The following HMGCLL1 variants were observed in gnomAD, a reference collection of about 807,000 sequenced individuals.
HMGCLL1 encodes the protein 3-hydroxymethyl-3-methylglutaryl-CoA lyase, cytoplasmic.
A neutral mutation model predicts 39.1 loss-of-function variants in HMGCLL1; 36 were observed. The ratio of observed to expected loss-of-function variants is 0.92; its 90% CI spans 0.71 to 1.22. The LOEUF is 1.22. Ranked by LOEUF, HMGCLL1 falls within the 50% of genes most tolerant of loss-of-function variation. The probability of loss-of-function intolerance (pLI) is 0.00; values close to 1 mark genes in which losing one functional copy is unlikely to be tolerated. For missense variants in HMGCLL1, 451 were observed against 416.5 expected, an observed-to-expected ratio of 1.08 and a Z score of -0.72; for synonymous variants, 149 against 144.0, an observed-to-expected ratio of 1.03 and a Z score of -0.25.
At chr6:55,533,250 A>G (rs971076503) in intron 3 of HMGCLL1, among the ~76,000 whole-genome samples, 1 of 151,024 alleles carries the variant, frequency 6.6e-6, no homozygotes, top group Admixed American at 6.6e-5. Flanking sequence ...AGTATCCAAA[A>G]TATGTACTAT....
chr6:55,619,986 C>T, the HMGCLL1 span, among the ~76,000 whole-genome samples: 2 of 152,064 alleles, frequency 1.3e-5, no homozygotes, highest in African/African-American at 2.4e-5. Context: ...TAATGACTTC[C>T]ATTTCCATCC....
the HMGCLL1 span, among the ~76,000 whole-genome samples, chr6:55,602,075 C>A: frequency 3.9e-5 from 6 of 151,962 alleles, no homozygotes; most frequent in East Asian, 3.9e-4. Context: ...CAGATTTTTT[C>A]TTTGGCTCTT....
the HMGCLL1 span, among the ~76,000 whole-genome samples, chr6:55,623,850 C>T: frequency 1.3e-5 from 2 of 151,948 alleles, no homozygotes; most frequent in Admixed American, 1.3e-4. Context: ...CTGCCAGCTG[C>T]TAAGTATGTC....
At chr6:55,495,191 T>C (rs1393769927) in intron 7 of HMGCLL1, among the ~76,000 whole-genome samples, 1 of 152,192 alleles carries the variant, frequency 6.6e-6, no homozygotes, top group African/African-American at 2.4e-5. Context: ...AAAGAATAGA[T>C]TACAGATTTT....
intron 1 of HMGCLL1, among the ~76,000 whole-genome samples, chr6:55,548,725 T>A (rs548551024): frequency 4.6e-5 from 7 of 151,888 alleles, no homozygotes; most frequent in African/African-American, 1.7e-4. Context: ...TAAAACAAAC[T>A]ATGAAAGAGG....
chr6:55,637,740 A>G, the HMGCLL1 span, among the ~76,000 whole-genome samples: 14,281 of 88,684 alleles, frequency 0.16, 771 homozygotes, highest in East Asian at 0.23. Flanking sequence ...GTGTGTGTGT[A>G]TGTGTCTGTG....
chr6:55,572,572 T>G (rs1284705524), intron 1 of HMGCLL1, among the ~76,000 whole-genome samples: 1 of 152,134 alleles, frequency 6.6e-6, no homozygotes, highest in Non-Finnish European at 1.5e-5. Flanking sequence ...CCATACAATA[T>G]TTTTCATGAG....
the HMGCLL1 span, among the ~76,000 whole-genome samples, chr6:55,627,522 T>C: frequency 6.6e-6 from 1 of 152,060 alleles, no homozygotes; most frequent in Non-Finnish European, 1.5e-5. Flanking sequence ...ATACCGAGTG[T>C]CAACTTCATT....
chr6:55,650,446 C>T, the HMGCLL1 span, among the ~76,000 whole-genome samples: 1 of 151,584 alleles, frequency 6.6e-6, no homozygotes, highest in Non-Finnish European at 1.5e-5. Context: ...TTTCTTTTCC[C>T]TTACTTCCTC....
chr6:55,658,830 T>C, the HMGCLL1 span, among the ~76,000 whole-genome samples: 2 of 151,900 alleles, frequency 1.3e-5, no homozygotes, highest in Non-Finnish European at 2.9e-5. Context: ...AAGCAAAGTA[T>C]AATTATAAAC....
the HMGCLL1 span, among the ~76,000 whole-genome samples, chr6:55,657,284 G>A: frequency 2.6e-4 from 39 of 152,088 alleles, 1 homozygote; most frequent in Admixed American, 2.3e-3. Flanking sequence ...CCATGCCTAT[G>A]TCCTGAGTGG....
At chr6:55,552,473 C>T (rs1394192768) in intron 1 of HMGCLL1, among the ~76,000 whole-genome samples, 5 of 151,944 alleles carry the variant, frequency 3.3e-5, no homozygotes, top group African/African-American at 1.2e-4. Context: ...TATTTTCCAT[C>T]CCTAGTATAG....
the HMGCLL1 span, among the ~76,000 whole-genome samples, chr6:55,623,670 C>T: frequency 4.7e-5 from 7 of 148,710 alleles, no homozygotes; most frequent in African/African-American, 1.7e-4. Flanking sequence ...TATACACAAA[C>T]ATATTATATA....
At chr6:55,439,296 T>C in intron 8 of HMGCLL1, 138 bp downstream of exon 8, 1 of 769,524 alleles carries the variant, frequency 1.3e-6, no homozygotes, top group East Asian at 2.7e-5. Flanking sequence ...TTTTATTGCA[T>C]TTTCCCACTG....
At chr6:55,445,161 T>A (rs2127384324) in intron 7 of HMGCLL1, among the ~76,000 whole-genome samples, 1 of 152,162 alleles carries the variant, frequency 6.6e-6, no homozygotes, top group Non-Finnish European at 1.5e-5. Context: ...ACTTTAAAAA[T>A]ATTTTAATAC....
chr6:55,667,059 G>A, the HMGCLL1 span, among the ~76,000 whole-genome samples: 3 of 151,430 alleles, frequency 2.0e-5, no homozygotes, highest in Admixed American at 6.6e-5. Context: ...TGTATCTTGT[G>A]TTTGAAAAGA....
chr6:55,533,886 A>C (rs1259401221), intron 3 of HMGCLL1, among the ~76,000 whole-genome samples: 1 of 45,508 alleles, frequency 2.2e-5, no homozygotes, highest in Non-Finnish European at 5.6e-5. Context: ...ACTCCGTCTC[A>C]AAAAAAAAAA....
At chr6:55,544,021 G>C (rs774332887) in intron 1 of HMGCLL1, among the ~76,000 whole-genome samples, 5 of 152,038 alleles carry the variant, frequency 3.3e-5, no homozygotes, top group Non-Finnish European at 5.9e-5. Context: ...ACAATTTGCT[G>C]CTTATTTTTT....
At chr6:55,509,890 C>A (rs1332666862) in intron 5 of HMGCLL1, among the ~76,000 whole-genome samples, 1 of 151,736 alleles carries the variant, frequency 6.6e-6, no homozygotes, top group Admixed American at 6.6e-5. Flanking sequence ...AATGAACACC[C>A]TAGATTCATT....
Sources: allele counts gnomAD v4.1 joint callset (sites outside exome capture counted in the v4.1 genomes callset), GRCh38; gene constraint gnomAD v4.1.1; transcripts MANE v1.5; gene names NCBI Gene and HGNC (gene_info 2026-07-23, HGNC 2026-07-21).